The following KLHL32 variants were observed in gnomAD, a reference collection of about 807,000 sequenced individuals.
The protein encoded by KLHL32 is kelch like family member 32.
In KLHL32, 35 loss-of-function variants were observed where a neutral mutation model predicts 64.8. The ratio of observed to expected loss-of-function variants is 0.54; its 90% CI spans 0.41 to 0.72. The LOEUF is 0.72. KLHL32 is among the 30% of genes least tolerant of loss of function. The probability of loss-of-function intolerance (pLI) is 0.00; values close to 1 mark genes in which losing one functional copy is unlikely to be tolerated. For missense variants in KLHL32, 589 were observed against 768.5 expected (o/e 0.77, Z 2.76); for synonymous variants, 259 against 281.0 (o/e 0.92, Z 0.78).
the KLHL32 span, among the ~76,000 whole-genome samples, chr6:96,910,601 T>C: frequency 6.6e-6 from 1 of 152,202 alleles, no homozygotes; most frequent in Non-Finnish European, 1.5e-5. Flanking sequence ...TGTAAATGCT[T>C]GTTTCTGAGA....
At position 97,114,444 on chromosome 6, in the gene KLHL32, A is replaced by G. The variant is rs1797603648; in HGVS notation, c.1289A>G (p.Gln430Arg). The G allele has an allele frequency of 8.1e-6, 13 of 1,614,212 alleles. No homozygotes were observed. Among genetic ancestry groups the G allele is most frequent in the Non-Finnish European group, 1.1e-5 (13 of 1,180,028 alleles). Reference sequence around the variant, plus strand: ...AAGAAGAACAAATGGACTTTTGTTCAGTCCTTTGACAGATCCCTTTCATGC... The same window carrying G: ...AAGAAGAACAAATGGACTTTTGTTCGGTCCTTTGACAGATCCCTTTCATGC... ...CPKKNKWTFV[Q>R]SFDRSLSCHA... The change falls in exon 7 of 11, where the codon CAG (glutamine) becomes CGG (arginine). Residue 430 changes from glutamine (Q) to arginine (R), a missense_variant. By Grantham distance (43) the Gln-to-Arg change is conservative. This residue lies in a region of KLHL32 where 226 missense variants were observed against 353.2 expected (regional missense o/e 0.64). Transcript: ENST00000369261.
At chr6:96,933,449 A>G (rs1770188081) in intron 1 of KLHL32, among the ~76,000 whole-genome samples, 3 of 152,212 alleles carry the variant, frequency 2.0e-5, no homozygotes, top group African/African-American at 7.2e-5. Context: ...CAAGGTTGGA[A>G]GAAGACTTCT....
chr6:97,012,706 T>C (rs1295939461), intron 3 of KLHL32, among the ~76,000 whole-genome samples: 1 of 152,190 alleles, frequency 6.6e-6, no homozygotes, highest in African/African-American at 2.4e-5. Flanking sequence ...CCTGGTCTCA[T>C]AGTGCCACCT....
At chr6:97,001,213 A>C (rs1778988162) in intron 3 of KLHL32, among the ~76,000 whole-genome samples, 1 of 152,154 alleles carries the variant, frequency 6.6e-6, no homozygotes, top group Non-Finnish European at 1.5e-5. Flanking sequence ...TTGGTTCAGC[A>C]ATTTTACCAT....
chr6:97,016,953 G>A (rs1374644359), intron 3 of KLHL32, among the ~76,000 whole-genome samples: 1 of 152,110 alleles, frequency 6.6e-6, no homozygotes, highest in Non-Finnish European at 1.5e-5. Flanking sequence ...CTTCCCCTTT[G>A]CCTTCCACCA....
At chr6:97,049,835 T>C (rs1786566571) in intron 4 of KLHL32, among the ~76,000 whole-genome samples, 1 of 152,228 alleles carries the variant, frequency 6.6e-6, no homozygotes, top group Non-Finnish European at 1.5e-5. Flanking sequence ...AGCAGATTAG[T>C]CTGCTTCCTG....
chr6:97,078,206 G>A (rs982774796), intron 5 of KLHL32, among the ~76,000 whole-genome samples: 6 of 152,162 alleles, frequency 3.9e-5, no homozygotes, highest in African/African-American at 1.2e-4. Context: ...AGAATTTCTT[G>A]ACTTACAGAG....
chr6:97,102,858 G>T (rs1416126448), intron 6 of KLHL32, among the ~76,000 whole-genome samples: 1 of 151,612 alleles, frequency 6.6e-6, no homozygotes, highest in Non-Finnish European at 1.5e-5. Flanking sequence ...TTTATTTTAG[G>T]TTTGGGAGTA....
chr6:97,050,629 A>C (rs1361914541), intron 4 of KLHL32, among the ~76,000 whole-genome samples: 1 of 152,192 alleles, frequency 6.6e-6, no homozygotes, highest in East Asian at 1.9e-4. Context: ...ACATTAATCT[A>C]GCATTCTACT....
At chr6:96,965,308 T>C (rs1473735856) in intron 1 of KLHL32, among the ~76,000 whole-genome samples, 1 of 152,206 alleles carries the variant, frequency 6.6e-6, no homozygotes, top group African/African-American at 2.4e-5. Flanking sequence ...CTAAGCTTTG[T>C]AGTATATAGC....
At position 97,085,116 on chromosome 6, in the gene KLHL32, T is replaced by C; in HGVS notation, c.412-10T>C. ...GAGATCTTTTTTCATTTTTATTTTTTGGCACCCAGGAATTAAATAGCTTTA... is the reference window on the plus strand; with the variant it reads ...GAGATCTTTTTTCATTTTTATTTTTCGGCACCCAGGAATTAAATAGCTTTA... On this transcript the variant is annotated splice_polypyrimidine_tract_variant and intron_variant, in intron 5 of 10. Transcript: ENST00000369261. 1 of 1,605,220 alleles carries C rather than the reference T, an allele frequency of 6.2e-7. No individual in the cohort carries two copies. The highest frequency in any genetic ancestry group is 8.5e-7 in the Non-Finnish European group (1 of 1,174,590).
intron 1 of KLHL32, among the ~76,000 whole-genome samples, chr6:96,935,117 TATGCATGGCAGGATGTTGCTTA>T (rs1770426160): frequency 6.6e-6 from 1 of 152,202 alleles, no homozygotes; most frequent in Non-Finnish European, 1.5e-5. Context: ...TGATCAAGGT[TATGCATGGCAGGATGTTGCTTA>T]ATTGTAATTT....
chr6:96,903,148 T>C, the KLHL32 span, among the ~76,000 whole-genome samples: 220 of 152,018 alleles, frequency 1.4e-3, no homozygotes, highest in Non-Finnish European at 1.8e-3. Flanking sequence ...TCCTTGAGAA[T>C]ATAAAATCTG....
At chr6:96,934,359 G>A (rs1770311336) in intron 1 of KLHL32, among the ~76,000 whole-genome samples, 1 of 152,188 alleles carries the variant, frequency 6.6e-6, no homozygotes, top group Admixed American at 6.5e-5. Flanking sequence ...AGTGCAGTGA[G>A]CTGCTCACAC....
chr6:96,976,629 G>A (rs1342258299), intron 3 of KLHL32, among the ~76,000 whole-genome samples: 3 of 151,856 alleles, frequency 2.0e-5, no homozygotes, highest in East Asian at 1.9e-4. Flanking sequence ...ACAAAGTCTC[G>A]CTCTTTCACC....
At chr6:97,006,438 C>T (rs968082960) in intron 3 of KLHL32, among the ~76,000 whole-genome samples, 6 of 152,118 alleles carry the variant, frequency 3.9e-5, no homozygotes, top group Admixed American at 3.3e-4. Context: ...AGCGAGCATA[C>T]AGTTGGGTCT....
chr6:97,107,070 A>C (rs1055291388), intron 6 of KLHL32, among the ~76,000 whole-genome samples: 2 of 152,180 alleles, frequency 1.3e-5, no homozygotes, highest in Non-Finnish European at 2.9e-5. Context: ...AGGCGGGCGG[A>C]TCACGAGGTC....
chr6:96,991,470 T>C (rs1443545383), intron 3 of KLHL32, among the ~76,000 whole-genome samples: 1 of 152,012 alleles, frequency 6.6e-6, no homozygotes, highest in Non-Finnish European at 1.5e-5. Flanking sequence ...GCAGCTGTAA[T>C]GGCAGAGGGG....
the KLHL32 span, among the ~76,000 whole-genome samples, chr6:96,912,580 G>A: frequency 1.2e-4 from 19 of 152,108 alleles, no homozygotes; most frequent in Non-Finnish European, 2.4e-4. Context: ...CTATGCTTCA[G>A]TTTCCTCTTA....
Sources: allele counts gnomAD v4.1 joint callset (sites outside exome capture counted in the v4.1 genomes callset), GRCh38; gene constraint gnomAD v4.1.1; regional missense constraint gnomAD v4.1.1; transcripts MANE v1.5; gene names NCBI Gene and HGNC (gene_info 2026-07-23, HGNC 2026-07-21).